The following EMC7 variants were observed in gnomAD, a reference collection of about 807,000 sequenced individuals.
EMC7 encodes the protein endoplasmic reticulum membrane protein complex subunit 7.
A neutral mutation model predicts 24.4 loss-of-function variants in EMC7; 4 were observed. The observed-to-expected ratio is 0.16, with a 90% CI of 0.08 to 0.38. The LOEUF (loss-of-function observed/expected upper bound fraction) is 0.38. Ranked by LOEUF, EMC7 falls within the 10% of genes least tolerant of loss-of-function variation. The probability of loss-of-function intolerance (pLI) is 1.00; values close to 1 mark genes in which losing one functional copy is unlikely to be tolerated. For synonymous variants in EMC7, 106 were observed against 112.0 expected, an observed-to-expected ratio of 0.95 and a Z score of 0.34; for missense variants, 221 against 300.6, an observed-to-expected ratio of 0.74 and a Z score of 1.96.
intron 3 of EMC7, 32 bp from the exon 4 acceptor site, chr15:34,088,165 T>A (rs1361362252): frequency 6.4e-7 from 1 of 1,571,836 alleles, no homozygotes. Context: ...AAAATGTTTT[T>A]CCCCCACTTT....
intron 1 of EMC7, among the ~76,000 whole-genome samples, chr15:34,101,177 T>C (rs1433135397): frequency 1.3e-5 from 2 of 152,180 alleles, no homozygotes; most frequent in Non-Finnish European, 1.5e-5. Flanking sequence ...AATTCCCACT[T>C]GTGTCGCATC....
intron 1 of EMC7, among the ~76,000 whole-genome samples, chr15:34,099,254 C>T (rs1194507335): frequency 5.3e-5 from 8 of 152,060 alleles, no homozygotes; most frequent in East Asian, 1.9e-4. Context: ...GAATGCCATT[C>T]TATAAATGTT....
intron 2 of EMC7, among the ~76,000 whole-genome samples, chr15:34,092,229 C>T (rs1343652166): frequency 2.2e-5 from 3 of 137,236 alleles, no homozygotes; most frequent in African/African-American, 8.0e-5. Context: ...TGCACCACTG[C>T]AATCCAGCCT....
At chr15:34,092,771 T>C (rs1900999236) in intron 2 of EMC7, among the ~76,000 whole-genome samples, 1 of 152,294 alleles carries the variant, frequency 6.6e-6, no homozygotes, top group East Asian at 1.9e-4. Flanking sequence ...AACCAGTTCA[T>C]AAGTGCTAAA....
chr15:34,090,797 A>G (rs1192747262), intron 2 of EMC7, among the ~76,000 whole-genome samples: 1 of 152,224 alleles, frequency 6.6e-6, no homozygotes, highest in Non-Finnish European at 1.5e-5. Context: ...GATTATATTT[A>G]GTAATGAATT....
intron 2 of EMC7, among the ~76,000 whole-genome samples, chr15:34,093,823 A>ATATATATATATATATT (rs1190830993): frequency 2.1e-5 from 1 of 48,706 alleles, no homozygotes; most frequent in South Asian, 1.1e-3. Context: ...ATATATATAT[A>ATATATATATATATATT]TTTTTTTTTT....
At chr15:34,099,319 T>TAAAC (rs570150404) in intron 1 of EMC7, among the ~76,000 whole-genome samples, 3 of 152,228 alleles carry the variant, frequency 2.0e-5, no homozygotes, top group South Asian at 2.1e-4. Context: ...TATTACTATG[T>TAAAC]AAACAAACAA....
intron 1 of EMC7, among the ~76,000 whole-genome samples, 162 bp from the exon 2 acceptor site, chr15:34,096,176 T>C (rs904824439): frequency 3.3e-5 from 5 of 152,244 alleles, no homozygotes; most frequent in Admixed American, 2.0e-4. Context: ...CAGTTTCTTT[T>C]CTTTTTTCTT....
intron 2 of EMC7, among the ~76,000 whole-genome samples, chr15:34,094,653 G>A (rs1170972901): frequency 6.6e-6 from 1 of 151,816 alleles, no homozygotes; most frequent in Non-Finnish European, 1.5e-5. Context: ...AATGAGCCAA[G>A]ATTGCGCCAC....
intron 2 of EMC7, among the ~76,000 whole-genome samples, chr15:34,092,733 T>C (rs945447383): frequency 3.3e-5 from 5 of 152,158 alleles, no homozygotes; most frequent in Admixed American, 3.3e-4. Flanking sequence ...ATCAGGAATG[T>C]ATCTGAGAAC....
At chr15:34,092,101 C>T (rs1289089856) in intron 2 of EMC7, among the ~76,000 whole-genome samples, 1 of 151,980 alleles carries the variant, frequency 6.6e-6, no homozygotes, top group Admixed American at 6.6e-5. Flanking sequence ...CCTGTCTCCA[C>T]TAAAAATACA....
intron 2 of EMC7, among the ~76,000 whole-genome samples, chr15:34,095,293 A>G (rs537460308): frequency 9.2e-5 from 14 of 152,376 alleles, no homozygotes; most frequent in African/African-American, 2.9e-4. Flanking sequence ...AATGTGTTCT[A>G]TTATAATGGG....
At chr15:34,095,751 A>C (rs1336550144) in intron 2 of EMC7, 144 bp downstream of exon 2, 1 of 770,502 alleles carries the variant, frequency 1.3e-6, no homozygotes, top group Non-Finnish European at 1.8e-6. Flanking sequence ...AGATTAAATA[A>C]ACGAGGATAT....
chr15:34,084,883 C>T (rs1272036578), intron 4 of EMC7, among the ~76,000 whole-genome samples: 1 of 151,980 alleles, frequency 6.6e-6, no homozygotes, highest in African/African-American at 2.4e-5. Flanking sequence ...TCTTCTAATG[C>T]TATCCCTCCC....
In EMC7 at chr15:34,090,385, A is replaced by G; in HGVS notation, c.427T>C (p.Ser143Pro). 1.2e-6 allele frequency: 2 copies of G among 1,614,106 alleles called. No homozygotes were observed. The highest frequency in any genetic ancestry group is 1.7e-6 in the Non-Finnish European group (2 of 1,179,990). ...RLPYPLQMKS[S>P]GPPSYFIKRE... The stretch of plus-strand genomic sequence containing the variant: ...TTAATAAAGTAAGAAGGTGGACCTG[A>G]AGATTTCATTTGGAGAGGATAGGGC... Residue 143 changes from serine (S) to proline (P), a missense_variant, in exon 3 of 5, where the codon TCA becomes CCA. Ser to Pro is a moderately conservative substitution (Grantham distance 74, BLOSUM62 -1). Around this residue, in one of 2 missense-constraint regions of EMC7, gnomAD observed 156 missense variants for 177.1 expected, o/e 0.88. Transcript: ENST00000256545.
intron 3 of EMC7, among the ~76,000 whole-genome samples, chr15:34,088,764 C>T (rs150867569): frequency 6.6e-6 from 1 of 152,284 alleles, no homozygotes; most frequent in African/African-American, 2.4e-5. Flanking sequence ...TTTATTCCTC[C>T]CTAGGGGATA....
intron 1 of EMC7, among the ~76,000 whole-genome samples, chr15:34,100,333 CT>C (rs1901154506): frequency 6.6e-6 from 1 of 152,108 alleles, no homozygotes; most frequent in Admixed American, 6.6e-5. Flanking sequence ...AGAAAAAGAC[CT>C]TGTCTCAAAA....
At chr15:34,098,614 C>A (rs1231179429) in intron 1 of EMC7, among the ~76,000 whole-genome samples, 1 of 143,428 alleles carries the variant, frequency 7.0e-6, no homozygotes, top group East Asian at 2.1e-4. Flanking sequence ...CGCCAGTATG[C>A]CTGGCTGATT....
intron 2 of EMC7, among the ~76,000 whole-genome samples, chr15:34,095,556 G>A (rs1336282441): frequency 3.3e-5 from 5 of 152,182 alleles, no homozygotes; most frequent in Non-Finnish European, 7.4e-5. Flanking sequence ...GTGATGAATA[G>A]TATTTCTAAT....
Sources: gnomAD v4.1 joint callset for allele counts (sites outside exome capture counted in the v4.1 genomes callset) on GRCh38, gnomAD v4.1.1 for gene constraint, gnomAD v4.1.1 regional missense constraint, MANE v1.5 for transcripts, NCBI Gene and HGNC (gene_info 2026-07-23, HGNC 2026-07-21) for gene names.